The following ASPSCR1 variants were observed in gnomAD, a reference collection of about 807,000 sequenced individuals.
ASPSCR1 encodes ASPSCR1 tether for SLC2A4, UBX domain containing.
Under a neutral mutation model 68.9 loss-of-function variants are expected in ASPSCR1, and 55 were observed. That is an observed-to-expected ratio of 0.80 (90% CI 0.64 to 1.00). The LOEUF is 1.00. ASPSCR1 is among the 50% of genes least tolerant of loss of function. The probability of loss-of-function intolerance (pLI) is 0.00; values close to 1 mark genes in which losing one functional copy is unlikely to be tolerated. For missense variants in ASPSCR1, 765 were observed against 762.2 expected (o/e 1.00, Z -0.04); for synonymous variants, 352 against 332.6 (o/e 1.06, Z -0.63).
intron 7 of ASPSCR1, among the ~76,000 whole-genome samples, chr17:82,001,836 C>T (rs534843978): frequency 3.0e-4 from 46 of 152,188 alleles, no homozygotes; most frequent in Non-Finnish European, 5.7e-4. Flanking sequence ...ACCCCCCTCA[C>T]CAAACTGCTT....
rs1227809492 is a variant in ASPSCR1, at chr17:82,011,976, G to A, written c.1301-255G>A. On this transcript the variant is annotated intron_variant, in intron 11 of 15. Transcript: ENST00000306739. ...CCTTGGAGGGTGTCTAGGTGGCAAA[G>A]GGTTAGGCTGCCCACTGCAAGGGGA... The A allele has an allele frequency of 1.1e-5, 7 of 631,702 alleles. No individual in the cohort carries two copies. In the Admixed American group the frequency reaches 1.5e-4, roughly 13 times the overall value. The allele number at this position is 631,702 out of a possible 1,614,324, so 39.1% of individuals were successfully genotyped here.
intron 4 of ASPSCR1, among the ~76,000 whole-genome samples, chr17:81,994,492 G>A (rs754675985): frequency 3.3e-5 from 5 of 152,318 alleles, no homozygotes; most frequent in East Asian, 1.9e-4. Flanking sequence ...AGTGCTGCTC[G>A]CCCCTCCTGT....
chr17:81,994,605 T>G (rs1312296913), intron 4 of ASPSCR1, among the ~76,000 whole-genome samples: 1 of 152,146 alleles, frequency 6.6e-6, no homozygotes, highest in Non-Finnish European at 1.5e-5. Flanking sequence ...CCAGGGTCCT[T>G]GGGAGCGCCC....
intron 7 of ASPSCR1, among the ~76,000 whole-genome samples, chr17:82,000,699 G>A (rs1025343162): frequency 1.3e-5 from 2 of 152,220 alleles, no homozygotes; most frequent in Non-Finnish European, 2.9e-5. Context: ...GCCGAGACCC[G>A]GGGTGGTTCA....
chr17:82,009,072 G>A lies in ASPSCR1; in HGVS notation c.969G>A (p.Val323=), dbSNP rs1359250377. The A allele has an allele frequency of 1.3e-6, 2 of 1,572,930 alleles. No individual in the cohort carries two copies. The highest frequency in any genetic ancestry group is 3.7e-5 in the Admixed American group (2 of 53,992). The change falls in exon 8 of 16, where the codon GTG becomes GTA. Residue 323 remains valine (V), a synonymous_variant. Coordinates refer to ENST00000306739, the MANE Select transcript of ASPSCR1 (RefSeq NM_024083.4). ...VDREPVDREP[V]VCHPDLEERL... is the part of the protein sequence containing the mutation. ...GGGAGCCCGTGGACCGGGAGCCGGT[G>A]GTGTGCCACCCCGACCTGGAGGAGC... is the stretch of plus-strand genomic sequence containing the variant.
Position 81,986,741 on chromosome 17 carries a change from G to A in ASPSCR1, c.374+1134G>A, listed in dbSNP as rs1055246336. Among the ~76,000 whole-genome samples, 2 of 152,256 alleles carry A rather than the reference G, an allele frequency of 1.3e-5. No homozygotes were observed. Among genetic ancestry groups the A allele is most frequent in the Admixed American group, 6.5e-5 (1 of 15,290 alleles). ...ATAGGGCCTGTGGGAAGGTGACCGC[G>A]CGTCGGGCGCTGGGAAGGTGACTGT... On this transcript the variant is annotated intron_variant, in intron 4 of 15. Transcript: ENST00000306739. The surrounding 1 kb of genome is among the most constrained non-coding windows in gnomAD (Gnocchi z 5.2).
chr17:81,997,779 G>T (rs1330628170), intron 7 of ASPSCR1, among the ~76,000 whole-genome samples: 1 of 150,078 alleles, frequency 6.7e-6, no homozygotes, highest in African/African-American at 2.5e-5. Flanking sequence ...GTGAGCCACC[G>T]CGCCCAGCTC....
intron 11 of ASPSCR1, chr17:82,012,020 T>C (rs2042965466): frequency 7.4e-6 from 5 of 676,518 alleles, no homozygotes; most frequent in Non-Finnish European, 1.3e-5. Flanking sequence ...GCACGGGTGG[T>C]GTCCCCTGCA....
intron 1 of ASPSCR1, chr17:81,978,428 A>C (rs2041684366): frequency 6.6e-6 from 1 of 151,776 alleles, no homozygotes; most frequent in Non-Finnish European, 1.5e-5. Context: ...CGGGAGGCTG[A>C]GGCAGGAGAA....
chr17:81,978,646 G>A (rs111656919), intron 1 of ASPSCR1: 3,027 of 155,924 alleles, frequency 0.019, 37 homozygotes, highest in Non-Finnish European at 0.032. Flanking sequence ...CCAGGCCTGG[G>A]CAGGTGGAGG....
chr17:81,984,810 C>T lies in ASPSCR1; in HGVS notation c.274-697C>T, dbSNP rs372744715. ...ACACACACCCCCACACACCCACATA[C>T]CCGCACACCCGTACACACCCCCACA... On this transcript the variant is annotated intron_variant, in intron 3 of 15. Coordinates refer to ENST00000306739, the MANE Select transcript of ASPSCR1 (RefSeq NM_024083.4). Among the ~76,000 whole-genome samples, 158 of 147,426 alleles carry T rather than the reference C, an allele frequency of 1.1e-3. No individual in the cohort carries two copies. In the Middle Eastern group the frequency reaches 0.021, roughly 19 times the overall value.
Position 82,010,873 on chromosome 17 carries a change from G to A in ASPSCR1, c.1237+5G>A, listed in dbSNP as rs766340477. Reference sequence around the variant, plus strand: ...TCTTCCGCCCCAGCGAGACAGGTGGGCAGCGCTGTGGGGTGTCCGGGGATG... The same window carrying A: ...TCTTCCGCCCCAGCGAGACAGGTGGACAGCGCTGTGGGGTGTCCGGGGATG... On this transcript the variant is annotated splice_donor_5th_base_variant and intron_variant, in intron 10 of 15. Transcript: ENST00000306739. 13 of 1,611,634 alleles carry A rather than the reference G, an allele frequency of 8.1e-6. No homozygotes were observed. The highest frequency in any genetic ancestry group is 1.7e-6 in the Non-Finnish European group (2 of 1,179,818).
intron 7 of ASPSCR1, among the ~76,000 whole-genome samples, chr17:81,997,656 T>C (rs2042397355): frequency 6.8e-6 from 1 of 147,410 alleles, no homozygotes; most frequent in African/African-American, 2.5e-5. Flanking sequence ...GCCCAGCTAA[T>C]TTTTTTGTAT....
At chr17:82,014,683 G>T in intron 12 of ASPSCR1, 1 of 243,584 alleles carries the variant, frequency 4.1e-6, no homozygotes, top group South Asian at 6.4e-5. Context: ...TGCTGTTCTC[G>T]TTGGAGGGGG....
intron 2 of ASPSCR1, 103 bp downstream of exon 2, chr17:81,979,342 A>G: frequency 7.6e-7 from 1 of 1,307,798 alleles, no homozygotes; most frequent in Middle Eastern, 1.8e-4. Context: ...GGTTTTAAAC[A>G]GTCATATATT....
intron 4 of ASPSCR1, 64 bp from the exon 5 acceptor site, chr17:81,994,757 G>A: frequency 1.3e-6 from 2 of 1,535,866 alleles, no homozygotes; most frequent in Non-Finnish European, 9.0e-7. Flanking sequence ...TCCTGCCCCA[G>A]GGCCTCCGTG....
intron 7 of ASPSCR1, chr17:82,007,527 C>T (rs919082800): frequency 6.6e-6 from 1 of 152,322 alleles, no homozygotes; most frequent in Non-Finnish European, 1.5e-5. Flanking sequence ...CCCCCAGTGA[C>T]CACCAGGCTG....
In ASPSCR1 at chr17:81,990,163, A is replaced by G. The variant is rs1045141358; in HGVS notation, c.374+4556A>G. Among the ~76,000 whole-genome samples, 2 of 152,338 alleles carry G rather than the reference A, an allele frequency of 1.3e-5. No individual in the cohort carries two copies. Reference sequence around the variant, plus strand: ...GTAATACGTGTAGTTAACTCAGTATACCCAAAATACGACTTCCTGGACACG... The same window carrying G: ...GTAATACGTGTAGTTAACTCAGTATGCCCAAAATACGACTTCCTGGACACG... On this transcript the variant is annotated intron_variant, in intron 4 of 15. Transcript: ENST00000306739. This position sits in a 1 kb window ranked among gnomAD's most constrained non-coding sequence, Gnocchi z 4.1.
At chr17:81,985,451 A>G in intron 3 of ASPSCR1, 56 bp from the exon 4 acceptor site, 1 of 1,555,268 alleles carries the variant, frequency 6.4e-7, no homozygotes, top group South Asian at 1.1e-5. Flanking sequence ...TCTGGGATTT[A>G]GAAGGAATAG....
Sources: allele counts gnomAD v4.1 joint callset (sites outside exome capture counted in the v4.1 genomes callset), GRCh38; gene constraint gnomAD v4.1.1; non-coding constraint Gnocchi (gnomAD v3.1); transcripts MANE v1.5; gene names NCBI Gene and HGNC (gene_info 2026-07-23, HGNC 2026-07-21).